Variants in ATF7IP observed in about 807,000 individuals in gnomAD.
ATF7IP encodes the protein activating transcription factor 7-interacting protein 1.
A neutral mutation model predicts 106.4 loss-of-function variants in ATF7IP; 23 were observed. The ratio of observed to expected loss-of-function variants is 0.22; its 90% CI spans 0.16 to 0.31. The LOEUF (loss-of-function observed/expected upper bound fraction) is 0.31. Ranked by LOEUF, ATF7IP falls within the 10% of genes least tolerant of loss-of-function variation. The pLI, the probability that ATF7IP is intolerant of heterozygous loss-of-function variation, is 1.00. For missense variants in ATF7IP, 1,334 were observed against 1,524.3 expected, an observed-to-expected ratio of 0.88 and a Z score of 2.08; for synonymous variants, 542 against 539.0, an observed-to-expected ratio of 1.01 and a Z score of -0.08.
chr12:14,448,913 A>G (rs1336616594), intron 6 of ATF7IP, among the ~76,000 whole-genome samples: 1 of 152,184 alleles, frequency 6.6e-6, no homozygotes, highest in Non-Finnish European at 1.5e-5. Flanking sequence ...GATGTTGAGC[A>G]TCTTTTCATA....
chr12:14,492,305 A>G (rs1042291730), intron 13 of ATF7IP, among the ~76,000 whole-genome samples: 2 of 152,174 alleles, frequency 1.3e-5, no homozygotes, highest in Admixed American at 1.3e-4. Context: ...GCTCAGAACC[A>G]GTGTCCAGTA....
rs573356379 is a variant in ATF7IP, at chr12:14,459,403, A to T, written c.2159-1092A>T. ...CAAAGGTTGAGATATAATAAAGTTA[A>T]TAGTTTTTACCGCTGTATCATGGGG... On this transcript the variant is annotated intron_variant, in intron 8 of 14. Coordinates refer to ENST00000261168, the MANE Select transcript of ATF7IP (RefSeq NM_018179.5). Among the ~76,000 whole-genome samples the T allele has an allele frequency of 2.6e-5, 4 of 152,326 alleles. No homozygotes were observed. In the East Asian group the frequency reaches 7.7e-4, roughly 29 times the overall value.
At chr12:14,436,298 C>G (rs2136620701) in intron 4 of ATF7IP, 47 bp downstream of exon 4, 1 of 1,502,830 alleles carries the variant, frequency 6.7e-7, no homozygotes, top group Non-Finnish European at 9.1e-7. Flanking sequence ...TAAATAGCAC[C>G]ACTATCTTCT....
intron 1 of ATF7IP, among the ~76,000 whole-genome samples, chr12:14,371,250 AAAG>A (rs1591751033): frequency 1.3e-5 from 2 of 152,228 alleles, no homozygotes; most frequent in African/African-American, 4.8e-5. Flanking sequence ...GGAGGAATGA[AAAG>A]AAGAAATCAC....
intron 6 of ATF7IP, among the ~76,000 whole-genome samples, chr12:14,449,176 C>T: frequency 6.6e-6 from 1 of 151,900 alleles, no homozygotes; most frequent in Middle Eastern, 3.2e-3. Context: ...TTTTGCTTTT[C>T]TTACCTGTGC....
intron 1 of ATF7IP, among the ~76,000 whole-genome samples, chr12:14,380,654 A>T (rs986072850): frequency 1.3e-5 from 2 of 152,016 alleles, no homozygotes; most frequent in Non-Finnish European, 2.9e-5. Context: ...ACAGAATCTT[A>T]CTCTTGCTCA....
At chr12:14,469,620 A>G (rs570471210) in intron 10 of ATF7IP, among the ~76,000 whole-genome samples, 3 of 152,172 alleles carry the variant, frequency 2.0e-5, no homozygotes, top group Non-Finnish European at 2.9e-5. Context: ...AACATAAGCT[A>G]TAAAATAGTG....
At chr12:14,378,466 A>G (rs996583071) in intron 1 of ATF7IP, among the ~76,000 whole-genome samples, 8 of 152,166 alleles carry the variant, frequency 5.3e-5, no homozygotes, top group African/African-American at 9.7e-5. Context: ...CTTATAACCT[A>G]TATTAAAACC....
intron 9 of ATF7IP, among the ~76,000 whole-genome samples, chr12:14,461,636 T>C (rs1943641092): frequency 6.6e-6 from 1 of 152,212 alleles, no homozygotes. Flanking sequence ...CCTTCTTGTT[T>C]TATCTTTTCC....
rs1286546097 is a variant in ATF7IP, at chr12:14,498,047, G to A, written c.3787G>A (p.Val1263Met). Residue 1263 changes from valine (V) to methionine (M), a missense_variant, in exon 15 of 15, where the codon GTG becomes ATG. Coordinates refer to ENST00000261168, the MANE Select transcript of ATF7IP (RefSeq NM_018179.5). Reference protein sequence around the residue: ...GPFCDPQSTDVISSTQSS With the variant: ...GPFCDPQSTDMISSTQSS The stretch of plus-strand genomic sequence containing the variant: ...TTTCTGTGATCCTCAGTCAACAGAT[G>A]TGATCTCTTCTACCCAGAGCAGTTA... 6.2e-7 allele frequency: 1 copy of A among 1,608,790 alleles called. No individual in the cohort carries two copies. Among genetic ancestry groups the A allele is most frequent in the Non-Finnish European group, 8.5e-7 (1 of 1,175,664 alleles).
intron 1 of ATF7IP, chr12:14,395,299 T>C (rs1263971861): frequency 7.9e-6 from 1 of 127,040 alleles, no homozygotes; most frequent in Non-Finnish European, 1.6e-5. Flanking sequence ...CCCCAGGCTT[T>C]ATGTTTTTCT....
chr12:14,422,228 G>T (rs1941556256), intron 1 of ATF7IP, among the ~76,000 whole-genome samples: 3 of 150,420 alleles, frequency 2.0e-5, no homozygotes, highest in African/African-American at 7.4e-5. Flanking sequence ...ATAAAACCAA[G>T]AAATATCAGC....
intron 13 of ATF7IP, among the ~76,000 whole-genome samples, chr12:14,485,156 C>A (rs574166631): frequency 1.3e-5 from 2 of 152,122 alleles, no homozygotes; most frequent in Admixed American, 6.6e-5. Flanking sequence ...AGTGGCAGAA[C>A]AGCTTGCTCA....
intron 1 of ATF7IP, among the ~76,000 whole-genome samples, chr12:14,398,551 G>A (rs7137363): frequency 0.56 from 83,733 of 149,808 alleles, 23,904 homozygotes; most frequent in African/African-American, 0.68. Flanking sequence ...TACATTGGCT[G>A]TATTTGTGAA....
intron 11 of ATF7IP, chr12:14,476,188 C>T (rs1056367887): frequency 4.6e-5 from 19 of 409,614 alleles, no homozygotes; most frequent in Middle Eastern, 6.8e-4. Flanking sequence ...GCAGGAGGAT[C>T]GAGGCAAGAG....
At chr12:14,442,588 T>C (rs1057064559) in intron 5 of ATF7IP, among the ~76,000 whole-genome samples, 40 of 152,256 alleles carry the variant, frequency 2.6e-4, no homozygotes, top group Admixed American at 7.2e-4. Context: ...GAATTCGTTC[T>C]TACTGCGTAT....
Position 14,425,049 on chromosome 12 carries a change from G to A in ATF7IP, c.1134G>A (p.Glu378=), listed in dbSNP as rs749635579. Residue 378 remains glutamate, a synonymous_variant, in exon 2 of 15, where the codon GAG becomes GAA. Transcript: ENST00000261168. ...AGGTAGAGGAAGATATTATCACAGA[G>A]CTTGCTCTTGGAGAAGATGCTATAT... The part of the protein sequence containing the change: ...EKKVEEDIIT[E]LALGEDAISS... 2 of 1,606,842 alleles carry A rather than the reference G, an allele frequency of 1.2e-6. No individual in the cohort carries two copies. The highest frequency in any genetic ancestry group is 1.7e-5 in the Admixed American group (1 of 58,308).
At chr12:14,390,810 T>G (rs1456055817) in intron 1 of ATF7IP, among the ~76,000 whole-genome samples, 1 of 152,246 alleles carries the variant, frequency 6.6e-6, no homozygotes, top group African/African-American at 2.4e-5. Flanking sequence ...GAAGACTACC[T>G]TGATGATGCA....
intron 13 of ATF7IP, among the ~76,000 whole-genome samples, chr12:14,494,457 G>T (rs1944945396): frequency 1.5e-5 from 2 of 135,444 alleles, no homozygotes; most frequent in African/African-American, 2.7e-5. Flanking sequence ...AAACTAATAG[G>T]GTATATACAT....
Sources: gnomAD v4.1 joint callset for allele counts (sites outside exome capture counted in the v4.1 genomes callset) on GRCh38, gnomAD v4.1.1 for gene constraint, MANE v1.5 for transcripts, NCBI Gene and HGNC (gene_info 2026-07-23, HGNC 2026-07-21) for gene names.